The following DYNC1I2 variants were observed in gnomAD, a reference collection of about 807,000 sequenced individuals.
The protein encoded by DYNC1I2 is cytoplasmic dynein 1 intermediate chain 2.
Under a neutral mutation model 88.6 loss-of-function variants are expected in DYNC1I2, and 53 were observed. The ratio of observed to expected loss-of-function variants is 0.60; its 90% CI spans 0.48 to 0.75. DYNC1I2 has a LOEUF of 0.75. DYNC1I2 is among the 30% of genes least tolerant of loss of function. The pLI is 0.00. For missense variants in DYNC1I2, 458 were observed against 766.6 expected (o/e 0.60, Z 4.75); for synonymous variants, 198 against 254.6 (o/e 0.78, Z 2.12).
chr2:171,728,618 A>G (rs1688403781), intron 13 of DYNC1I2, 99 bp from the exon 14 acceptor site: 2 of 1,107,588 alleles, frequency 1.8e-6, no homozygotes, highest in Non-Finnish European at 2.5e-6. Flanking sequence ...ATTTATGTAA[A>G]TAATAAAAGA....
intron 15 of DYNC1I2, among the ~76,000 whole-genome samples, chr2:171,731,805 AG>A (rs1274777794): frequency 6.6e-6 from 1 of 152,084 alleles, no homozygotes; most frequent in Non-Finnish European, 1.5e-5. Context: ...AACTGGGAAA[AG>A]CAAGTTGGAA....
chr2:171,721,368 A>T (rs1215956749), intron 7 of DYNC1I2, among the ~76,000 whole-genome samples: 2 of 152,136 alleles, frequency 1.3e-5, no homozygotes, highest in African/African-American at 4.8e-5. Flanking sequence ...GATTCCATTG[A>T]TAGATTCATG....
intron 5 of DYNC1I2, 79 bp from the exon 6 acceptor site, chr2:171,712,688 G>C: frequency 3.1e-6 from 3 of 966,148 alleles, no homozygotes; most frequent in Non-Finnish European, 4.9e-6. Context: ...TTTAGCTTTA[G>C]CTATTCATAG....
chr2:171,690,361 G>C (rs1409262886), intron 2 of DYNC1I2, 98 bp downstream of exon 2: 3 of 831,732 alleles, frequency 3.6e-6, no homozygotes. Context: ...AAAAGTAATC[G>C]TGGTTAAAAG....
intron 16 of DYNC1I2, among the ~76,000 whole-genome samples, chr2:171,745,020 A>G (rs777934862): frequency 6.6e-6 from 1 of 152,178 alleles, no homozygotes; most frequent in Admixed American, 6.5e-5. Context: ...TTGAAATTTA[A>G]TATTTCTTTA....
At chr2:171,705,553 T>G (rs1042768760) in intron 3 of DYNC1I2, among the ~76,000 whole-genome samples, 6 of 152,114 alleles carry the variant, frequency 3.9e-5, no homozygotes, top group African/African-American at 1.4e-4. Context: ...AAACATTTAT[T>G]TGTGTTTACA....
chr2:171,745,939 C>T lies in DYNC1I2; in HGVS notation c.1803+12C>T. ...ACGATGTGGGAGAGGTATGGGACTC[C>T]CTGCCTGTAATTTTGACACATCGAT... On this transcript the variant is annotated intron_variant, in intron 17 of 17. Coordinates refer to ENST00000397119, the MANE Select transcript of DYNC1I2 (RefSeq NM_001378.3). The T allele has an allele frequency of 6.2e-7, 1 of 1,612,634 alleles. No individual in the cohort carries two copies. The highest frequency in any genetic ancestry group is 8.5e-7 in the Non-Finnish European group (1 of 1,179,140).
At chr2:171,742,732 G>A (rs1274123318) in intron 15 of DYNC1I2, among the ~76,000 whole-genome samples, 1 of 152,172 alleles carries the variant, frequency 6.6e-6, no homozygotes, top group African/African-American at 2.4e-5. Flanking sequence ...GAGAATACAT[G>A]TACCTTGTGC....
At position 171,748,323 on chromosome 2, in the gene DYNC1I2, A is replaced by C. The variant is rs1330891205; in HGVS notation, c.*434A>C. The C allele has an allele frequency of 6.5e-6, 1 of 152,942 alleles. No homozygotes were observed. Among genetic ancestry groups the C allele is most frequent in the South Asian group, 2.1e-4 (1 of 4,834 alleles). 9.5% of individuals were successfully genotyped at this position (152,942 alleles called of 1,614,324 possible). ...TTGTTTCTCCTTAGCCGTAGTATGC[A>C]TACACCTATCCATGTTCATTCTGAC... On this transcript the variant is annotated 3_prime_UTR_variant, in exon 18 of 18. Transcript: ENST00000397119.
chr2:171,712,678 T>G (rs1020477971), intron 5 of DYNC1I2, 89 bp from the exon 6 acceptor site: 1 of 925,114 alleles, frequency 1.1e-6, no homozygotes, highest in Non-Finnish European at 1.7e-6. Context: ...TGAATAGTAC[T>G]TTAGCTTTAG....
rs1241471673 is a variant in DYNC1I2, at chr2:171,690,155, C to T, written c.-1C>T. 16 of 1,544,042 alleles carry T rather than the reference C, an allele frequency of 1.0e-5. No individual in the cohort carries two copies. Among genetic ancestry groups the T allele is most frequent in the Admixed American group, 4.0e-5 (2 of 50,378 alleles). On this transcript the variant is annotated 5_prime_UTR_variant, in exon 2 of 18. Coordinates refer to ENST00000397119, the MANE Select transcript of DYNC1I2 (RefSeq NM_001378.3). ...GATTATATGTTTCTAAGGTCACAAACATGTCAGACAAAAGTGAATTAAAGG... is the reference window on the plus strand; with the variant it reads ...GATTATATGTTTCTAAGGTCACAAATATGTCAGACAAAAGTGAATTAAAGG...
intron 5 of DYNC1I2, among the ~76,000 whole-genome samples, chr2:171,712,117 T>G (rs1446160547): frequency 6.6e-6 from 1 of 152,234 alleles, no homozygotes; most frequent in East Asian, 1.9e-4. Flanking sequence ...TCTATTTTTT[T>G]CCTAGAGACA....
chr2:171,724,170 A>C lies in DYNC1I2; in HGVS notation c.512-1448A>C, dbSNP rs544062953. The stretch of plus-strand genomic sequence containing the variant: ...GCATACGTCATTATCATTTTGATTA[A>C]GTTGGAGGTTGTATCATTGTGTGCA... On this transcript the variant is annotated intron_variant, in intron 7 of 17. Coordinates refer to ENST00000397119, the MANE Select transcript of DYNC1I2 (RefSeq NM_001378.3). Among the ~76,000 whole-genome samples the C allele has an allele frequency of 2.6e-5, 4 of 152,328 alleles. No individual in the cohort carries two copies. In the East Asian group the frequency reaches 7.7e-4, roughly 29 times the overall value.
intron 15 of DYNC1I2, among the ~76,000 whole-genome samples, chr2:171,743,195 A>G (rs1378172077): frequency 2.0e-5 from 3 of 152,330 alleles, no homozygotes; most frequent in East Asian, 3.9e-4. Context: ...TGTTAAGAAA[A>G]TCATAAAGAA....
At chr2:171,700,326 T>TA (rs1169280831) in intron 3 of DYNC1I2, among the ~76,000 whole-genome samples, 10 of 152,160 alleles carry the variant, frequency 6.6e-5, no homozygotes, top group African/African-American at 2.4e-4. Context: ...TTTTATGACT[T>TA]AGATTTGGAA....
At chr2:171,713,842 A>G (rs555004334) in intron 6 of DYNC1I2, among the ~76,000 whole-genome samples, 19 of 152,302 alleles carry the variant, frequency 1.2e-4, no homozygotes, top group African/African-American at 3.4e-4. Flanking sequence ...TAGTGGCCAC[A>G]CTGAGGCTTC....
At chr2:171,705,230 T>A (rs1356536148) in intron 3 of DYNC1I2, among the ~76,000 whole-genome samples, 1 of 152,148 alleles carries the variant, frequency 6.6e-6, no homozygotes, top group Non-Finnish European at 1.5e-5. Flanking sequence ...TTAGCCTGTT[T>A]CTGTAAAGAA....
At chr2:171,721,052 T>C (rs1335860631) in intron 7 of DYNC1I2, among the ~76,000 whole-genome samples, 1 of 138,888 alleles carries the variant, frequency 7.2e-6, no homozygotes, top group Non-Finnish European at 1.5e-5. Context: ...CTCAGGAGGC[T>C]GAGACAGGAG....
intron 3 of DYNC1I2, among the ~76,000 whole-genome samples, chr2:171,694,207 T>G (rs1685589031): frequency 6.6e-6 from 1 of 152,108 alleles, no homozygotes; most frequent in Non-Finnish European, 1.5e-5. Flanking sequence ...CAGCTAATTT[T>G]TGTACTTTTA....
Sources: gnomAD v4.1 joint callset for allele counts (sites outside exome capture counted in the v4.1 genomes callset) on GRCh38, gnomAD v4.1.1 for gene constraint, MANE v1.5 for transcripts, NCBI Gene and HGNC (gene_info 2026-07-23, HGNC 2026-07-21) for gene names.